The following NOL4 variants were observed in gnomAD, a reference collection of about 807,000 sequenced individuals.
NOL4 encodes the protein cancer/testis antigen 125.
NOL4 carries 17 observed loss-of-function variants against 75.9 expected under a neutral mutation model. The ratio of observed to expected loss-of-function variants is 0.22; its 90% CI spans 0.15 to 0.34. NOL4 has a LOEUF of 0.34. NOL4 is among the 10% of genes least tolerant of loss of function. The pLI is 1.00. For synonymous variants in NOL4, 292 were observed against 289.9 expected (o/e 1.01, Z -0.07); for missense variants, 614 against 793.5 (o/e 0.77, Z 2.72).
chr18:33,882,315 G>A (rs1174691422), intron 10 of NOL4, among the ~76,000 whole-genome samples: 10 of 150,518 alleles, frequency 6.6e-5, no homozygotes, highest in South Asian at 2.1e-4. Context: ...ATCTGACAAA[G>A]GGCTAATATC....
Position 33,899,482 on chromosome 18 carries a change from A to G in NOL4, c.1543-16058T>C, listed in dbSNP as rs371696928. 3.5e-4 allele frequency among the ~76,000 whole-genome samples: 53 copies of G among 152,158 alleles called. 1 individual carries two copies. The highest frequency in any genetic ancestry group is 9.9e-4 in the African/African-American group (41 of 41,452). ...GGACTCACAATTTGGGGAAGCCTGCAGCCAGGAGAAGTTGCTCCTGGCCAG... is the reference window on the plus strand; with the variant it reads ...GGACTCACAATTTGGGGAAGCCTGCGGCCAGGAGAAGTTGCTCCTGGCCAG... On this transcript the variant is annotated intron_variant, in intron 9 of 10. Coordinates refer to ENST00000261592, the MANE Select transcript of NOL4 (RefSeq NM_003787.5).
chr18:33,876,891 C>A (rs576370574), intron 10 of NOL4, among the ~76,000 whole-genome samples: 2 of 151,868 alleles, frequency 1.3e-5, no homozygotes, highest in African/African-American at 2.4e-5. Flanking sequence ...AGAGTTGATA[C>A]GTAACAAGGG....
chr18:33,949,728 G>A (rs1418104974), intron 8 of NOL4, among the ~76,000 whole-genome samples: 2 of 151,996 alleles, frequency 1.3e-5, no homozygotes, highest in Non-Finnish European at 2.9e-5. Flanking sequence ...CCTTTGTCTA[G>A]GCTTTGATTA....
intron 6 of NOL4, among the ~76,000 whole-genome samples, chr18:33,965,494 C>T (rs184293571): frequency 2.7e-4 from 41 of 152,160 alleles, no homozygotes; most frequent in East Asian, 2.5e-3. Context: ...CCTTGTGATA[C>T]GGTTTGGCTG....
chr18:33,909,663 TTTTG>T (rs1422298225), intron 9 of NOL4, among the ~76,000 whole-genome samples: 6 of 152,128 alleles, frequency 3.9e-5, no homozygotes, highest in African/African-American at 1.4e-4. Flanking sequence ...TACAGTCTAA[TTTTG>T]TTTATGAATA....
At chr18:33,860,702 G>A (rs59845781) in intron 10 of NOL4, among the ~76,000 whole-genome samples, 8 of 151,356 alleles carry the variant, frequency 5.3e-5, no homozygotes, top group African/African-American at 1.9e-4. Context: ...GGGCATCCCT[G>A]TCTTGTGCCA....
chr18:33,988,565 A>G (rs2072663480), intron 6 of NOL4, among the ~76,000 whole-genome samples: 1 of 152,032 alleles, frequency 6.6e-6, no homozygotes, highest in Admixed American at 6.6e-5. Flanking sequence ...TTGAAACACA[A>G]AAAGCATTCC....
intron 1 of NOL4, among the ~76,000 whole-genome samples, chr18:34,150,973 G>A (rs577386035): frequency 2.6e-5 from 4 of 151,770 alleles, no homozygotes; most frequent in South Asian, 2.1e-4. Context: ...GAAGATGCTC[G>A]ACATCACATG....
At chr18:34,028,749 T>A (rs1230278519) in intron 5 of NOL4, among the ~76,000 whole-genome samples, 1 of 152,134 alleles carries the variant, frequency 6.6e-6, no homozygotes, top group Admixed American at 6.5e-5. Flanking sequence ...TTAACCAGAC[T>A]CCCAGAAGAT....
intron 6 of NOL4, among the ~76,000 whole-genome samples, chr18:33,974,258 T>TGA (rs2071315940): frequency 6.6e-6 from 1 of 152,066 alleles, no homozygotes; most frequent in African/African-American, 2.4e-5. Flanking sequence ...CTTTCTCACC[T>TGA]CTCCCAGCAT....
intron 6 of NOL4, among the ~76,000 whole-genome samples, chr18:33,971,875 C>CT (rs1282669569): frequency 1.3e-5 from 2 of 151,976 alleles, no homozygotes; most frequent in Non-Finnish European, 2.9e-5. Flanking sequence ...ACCAAAAATA[C>CT]TTTTTTAAGG....
At chr18:34,033,389 T>A (rs1320754397) in intron 5 of NOL4, among the ~76,000 whole-genome samples, 1 of 151,978 alleles carries the variant, frequency 6.6e-6, no homozygotes, top group African/African-American at 2.4e-5. Context: ...ACTGAATAAT[T>A]ATTTGAATAA....
intron 5 of NOL4, among the ~76,000 whole-genome samples, chr18:34,058,351 G>A (rs1022609848): frequency 1.3e-5 from 2 of 152,154 alleles, no homozygotes; most frequent in Non-Finnish European, 2.9e-5. Flanking sequence ...AGCTAGGATG[G>A]TCTCGATCTC....
rs1405919648 is a variant in NOL4 at position 33,856,465 on chromosome 18, C to T, written c.1724-3430G>A. 5.3e-5 allele frequency among the ~76,000 whole-genome samples: 8 copies of T among 152,042 alleles called. No homozygotes were observed. The East Asian group carries it at 1.5e-3, about 29-fold the overall frequency. On this transcript the variant is annotated intron_variant, in intron 10 of 10. Transcript: ENST00000261592. ...AGAAAAATAAGTTATTGTCCATTTC[C>T]TAAATAATCATGTTTGCTTTACCAC...
intron 6 of NOL4, among the ~76,000 whole-genome samples, chr18:34,013,425 A>T (rs1464304884): frequency 1.3e-4 from 19 of 151,828 alleles, no homozygotes; most frequent in Admixed American, 1.3e-3. Context: ...CCAAAACACA[A>T]TCTGACCACA....
intron 10 of NOL4, among the ~76,000 whole-genome samples, chr18:33,875,003 TC>T (rs1228762966): frequency 6.6e-6 from 1 of 152,028 alleles, no homozygotes; most frequent in Non-Finnish European, 1.5e-5. Flanking sequence ...GTGATTATGG[TC>T]ATTATTACTA....
chr18:33,909,236 A>G (rs2066245671), intron 9 of NOL4, among the ~76,000 whole-genome samples: 1 of 152,138 alleles, frequency 6.6e-6, no homozygotes, highest in African/African-American at 2.4e-5. Context: ...GTAGAAAAGT[A>G]TATCTAAGCT....
intron 1 of NOL4, among the ~76,000 whole-genome samples, chr18:34,179,455 C>T (rs1231911015): frequency 2.6e-5 from 4 of 151,190 alleles, no homozygotes; most frequent in Admixed American, 6.6e-5. Flanking sequence ...AAAACAGATA[C>T]ATCTTTAGCT....
At chr18:34,131,158 C>G (rs555667871) in intron 1 of NOL4, among the ~76,000 whole-genome samples, 1 of 151,664 alleles carries the variant, frequency 6.6e-6, no homozygotes, top group African/African-American at 2.4e-5. Flanking sequence ...GCCATTAACC[C>G]CAGCATACAG....
Sources: allele counts gnomAD v4.1 joint callset (sites outside exome capture counted in the v4.1 genomes callset), GRCh38; gene constraint gnomAD v4.1.1; transcripts MANE v1.5; gene names NCBI Gene and HGNC (gene_info 2026-07-23, HGNC 2026-07-21).